Variants in FSTL4 observed in about 807,000 individuals in gnomAD.
FSTL4 encodes follistatin like 4, also known as follistatin-related protein 4.
FSTL4 carries 28 observed loss-of-function variants against 78.2 expected under a neutral mutation model. That is an observed-to-expected ratio of 0.36 (90% CI 0.27 to 0.49). The LOEUF (loss-of-function observed/expected upper bound fraction) is 0.49, where lower values mean the gene tolerates loss of function less well. FSTL4 is among the 20% of genes least tolerant of loss of function. The pLI, the probability that FSTL4 is intolerant of heterozygous loss-of-function variation, is 0.98. For synonymous variants in FSTL4, 422 were observed against 440.5 expected, an observed-to-expected ratio of 0.96 and a Z score of 0.53; for missense variants, 922 against 1,084.9, an observed-to-expected ratio of 0.85 and a Z score of 2.11.
intron 3 of FSTL4, among the ~76,000 whole-genome samples, chr5:133,446,043 G>A (rs1430120076): frequency 6.6e-6 from 1 of 152,164 alleles, no homozygotes; most frequent in Non-Finnish European, 1.5e-5. Flanking sequence ...TGATTGTAGG[G>A]TATAAAAATG....
the FSTL4 span, among the ~76,000 whole-genome samples, chr5:133,783,601 A>G: frequency 6.6e-6 from 1 of 152,066 alleles, no homozygotes; most frequent in African/African-American, 2.4e-5. Flanking sequence ...CTTTCCTTCC[A>G]CTGTGTGCAA....
chr5:133,449,397 C>T (rs1270847557), intron 3 of FSTL4, among the ~76,000 whole-genome samples: 3 of 152,200 alleles, frequency 2.0e-5, no homozygotes, highest in Non-Finnish European at 4.4e-5. Context: ...GAGAGGGAGG[C>T]TGGCATGACA....
chr5:133,472,246 A>C (rs992579814), intron 3 of FSTL4, among the ~76,000 whole-genome samples: 11 of 152,260 alleles, frequency 7.2e-5, no homozygotes, highest in Non-Finnish European at 1.6e-4. Context: ...TCTGTCAATC[A>C]AGTACAAGTA....
chr5:133,755,808 T>C, the FSTL4 span, among the ~76,000 whole-genome samples: 4,521 of 152,352 alleles, frequency 0.03, 231 homozygotes, highest in African/African-American at 0.1. Context: ...AACAACCCTG[T>C]TCTTTCTCAC....
upstream of FSTL4, among the ~76,000 whole-genome samples, chr5:133,616,326 T>TATCC (rs1266469291): frequency 5.3e-5 from 8 of 151,856 alleles, no homozygotes; most frequent in African/African-American, 1.9e-4. Context: ...TCTATCTATC[T>TATCC]ATCTATCTAT....
chr5:133,549,994 A>G (rs1759659898), intron 3 of FSTL4, among the ~76,000 whole-genome samples: 1 of 152,116 alleles, frequency 6.6e-6, no homozygotes, highest in African/African-American at 2.4e-5. Context: ...TAACAGACTG[A>G]TCTGCCCTAG....
At chr5:133,507,668 G>A (rs1018045293) in intron 3 of FSTL4, among the ~76,000 whole-genome samples, 9 of 151,382 alleles carry the variant, frequency 5.9e-5, no homozygotes, top group Non-Finnish European at 1.3e-4. Flanking sequence ...GATTACAGGC[G>A]CCCGACACCA....
intron 3 of FSTL4, among the ~76,000 whole-genome samples, chr5:133,523,763 C>T (rs1395743758): frequency 1.3e-5 from 2 of 151,990 alleles, no homozygotes; most frequent in African/African-American, 4.8e-5. Flanking sequence ...GTCCAGGGAC[C>T]TAATATACAA....
At chr5:133,578,796 C>T (rs1453820012) in intron 2 of FSTL4, among the ~76,000 whole-genome samples, 4 of 152,204 alleles carry the variant, frequency 2.6e-5, no homozygotes, top group Non-Finnish European at 1.5e-5. Flanking sequence ...AAATAAATGT[C>T]AATAACTGAT....
intron 2 of FSTL4, among the ~76,000 whole-genome samples, chr5:133,582,302 G>C (rs763910450): frequency 4.6e-5 from 7 of 152,250 alleles, no homozygotes; most frequent in Non-Finnish European, 8.8e-5. Context: ...CCCGGCACTG[G>C]GTCACCATAT....
At chr5:133,703,523 T>G in the FSTL4 span, among the ~76,000 whole-genome samples, 2 of 152,186 alleles carry the variant, frequency 1.3e-5, no homozygotes, top group Non-Finnish European at 2.9e-5. Context: ...GACGGTTCTT[T>G]GCGAGACACT....
chr5:133,390,461 G>A (rs1273785720), intron 4 of FSTL4, among the ~76,000 whole-genome samples: 4 of 152,256 alleles, frequency 2.6e-5, no homozygotes, highest in African/African-American at 9.6e-5. Context: ...CATGTGTTCT[G>A]GATCTGGCCC....
At chr5:133,624,997 C>T in the FSTL4 span, among the ~76,000 whole-genome samples, 1 of 151,182 alleles carries the variant, frequency 6.6e-6, no homozygotes, top group African/African-American at 2.4e-5. Context: ...GTATATAATT[C>T]TTTTTATATT....
chr5:133,389,314 T>A (rs1755782207), intron 4 of FSTL4, among the ~76,000 whole-genome samples: 1 of 152,204 alleles, frequency 6.6e-6, no homozygotes, highest in South Asian at 2.1e-4. Flanking sequence ...TTGACCAGAC[T>A]GGAATTACAG....
At chr5:133,552,420 C>T (rs565115680) in intron 3 of FSTL4, among the ~76,000 whole-genome samples, 8 of 152,322 alleles carry the variant, frequency 5.3e-5, no homozygotes, top group African/African-American at 7.2e-5. Flanking sequence ...TTCAGAGACA[C>T]GGCTGCTCTC....
intron 3 of FSTL4, among the ~76,000 whole-genome samples, chr5:133,528,884 A>G (rs893961977): frequency 1.3e-4 from 20 of 152,232 alleles, no homozygotes; most frequent in African/African-American, 3.9e-4. Flanking sequence ...GCTGTTCGCT[A>G]TCTCCAGCCT....
the FSTL4 span, among the ~76,000 whole-genome samples, chr5:133,817,049 C>T: frequency 1.3e-5 from 2 of 152,240 alleles, no homozygotes; most frequent in Admixed American, 1.3e-4. Context: ...AGTGGCATCC[C>T]CAACACTCCT....
the FSTL4 span, among the ~76,000 whole-genome samples, chr5:133,686,136 A>G: frequency 6.6e-6 from 1 of 152,334 alleles, no homozygotes; most frequent in South Asian, 2.1e-4. Context: ...CATGTCTTCT[A>G]TGACAAAGCT....
At chr5:133,521,325 G>A (rs527327124) in intron 3 of FSTL4, among the ~76,000 whole-genome samples, 91 of 152,336 alleles carry the variant, frequency 6.0e-4, no homozygotes, top group Non-Finnish European at 1.1e-3. Context: ...TCCCTGCTGA[G>A]CCCTGAATCC....
Sources: gnomAD v4.1 joint callset for allele counts (sites outside exome capture counted in the v4.1 genomes callset) on GRCh38, gnomAD v4.1.1 for gene constraint, MANE v1.5 for transcripts, NCBI Gene and HGNC (gene_info 2026-07-23, HGNC 2026-07-21) for gene names.